Variants in SEC24D observed in about 807,000 individuals in gnomAD.
SEC24D encodes protein transport protein Sec24D.
Under a neutral mutation model 116.9 loss-of-function variants are expected in SEC24D, and 69 were observed. That is an observed-to-expected ratio of 0.59 (90% CI 0.49 to 0.72). The LOEUF is 0.72. SEC24D is among the 30% of genes least tolerant of loss of function. SEC24D has a pLI of 0.00. For synonymous variants in SEC24D, 405 were observed against 442.8 expected, an observed-to-expected ratio of 0.91 and a Z score of 1.07; for missense variants, 1,131 against 1,264.1, an observed-to-expected ratio of 0.89 and a Z score of 1.60.
chr4:118,811,789 C>T (rs752050108), intron 6 of SEC24D, among the ~76,000 whole-genome samples: 3 of 152,178 alleles, frequency 2.0e-5, no homozygotes, highest in Non-Finnish European at 4.4e-5. Context: ...AATAAAGGCA[C>T]TAAGAATTGT....
chr4:118,770,304 G>A (rs1560668577), intron 8 of SEC24D, among the ~76,000 whole-genome samples: 1 of 152,174 alleles, frequency 6.6e-6, no homozygotes, highest in Non-Finnish European at 1.5e-5. Flanking sequence ...GAAATTACTT[G>A]AGGAGGCAAG....
intron 2 of SEC24D, among the ~76,000 whole-genome samples, chr4:118,828,254 G>A (rs562941541): frequency 3.9e-4 from 59 of 152,046 alleles, no homozygotes; most frequent in Middle Eastern, 6.8e-3. Flanking sequence ...GACCACAGGC[G>A]CCTGCCACTA....
intron 8 of SEC24D, among the ~76,000 whole-genome samples, chr4:118,792,582 T>C (rs1728976046): frequency 1.3e-5 from 2 of 152,370 alleles, no homozygotes; most frequent in South Asian, 2.1e-4. Flanking sequence ...TGTTAATCTA[T>C]AACCTTATCC....
At chr4:118,832,609 T>G (rs771340729) in intron 2 of SEC24D, among the ~76,000 whole-genome samples, 2 of 152,230 alleles carry the variant, frequency 1.3e-5, no homozygotes, top group African/African-American at 2.4e-5. Flanking sequence ...CTGGTGCTAC[T>G]ACTTGCTGTC....
rs375796795 is a variant in SEC24D at position 118,744,978 on chromosome 4, T to A, written c.1790A>T (p.Asp597Val). ...AEAPGKLKNR[D>V]DKKLVNTDKE... is the part of the protein sequence containing the mutation. ...GTCTGTATTAACCAGTTTTTTGTCATCTCTGTTTTTGAGCTTCCCTGGTGC... is the reference window on the plus strand; with the variant it reads ...GTCTGTATTAACCAGTTTTTTGTCAACTCTGTTTTTGAGCTTCCCTGGTGC... The change falls in exon 14 of 23, where the codon GAT becomes GTT. Residue 597 changes from aspartate to valine, a missense_variant. By Grantham distance (152) the Asp-to-Val change is radical (BLOSUM62 -3). Coordinates refer to ENST00000280551, the MANE Select transcript of SEC24D (RefSeq NM_014822.4). The A allele has an allele frequency of 1.4e-4, 226 of 1,611,966 alleles. No individual in the cohort carries two copies. Among genetic ancestry groups the A allele is most frequent in the Admixed American group, 4.7e-4 (28 of 59,888 alleles).
rs1220604364 is a variant in SEC24D at position 118,723,332 on chromosome 4, T to C, written c.*183A>G. On this transcript the variant is annotated 3_prime_UTR_variant, in exon 23 of 23. Coordinates refer to ENST00000280551, the MANE Select transcript of SEC24D (RefSeq NM_014822.4). ...ACAGATTGTTCCCTTTATGGTACAA[T>C]TGTACCTTAATTGGCTTTATACCTG... The C allele has an allele frequency of 4.5e-5, 25 of 550,762 alleles. No homozygotes were observed. The highest frequency in any genetic ancestry group is 5.4e-5 in the Non-Finnish European group (17 of 317,594). The allele number at this position is 550,762 out of a possible 1,614,324, so 34.1% of individuals were successfully genotyped here.
At chr4:118,747,263 CTTT>C (rs200688068) in intron 13 of SEC24D, among the ~76,000 whole-genome samples, 2 of 128,208 alleles carry the variant, frequency 1.6e-5, no homozygotes. Flanking sequence ...ATTTCTGTAG[CTTT>C]TTTTTTTTTT....
intron 15 of SEC24D, among the ~76,000 whole-genome samples, chr4:118,742,382 G>A (rs531099155): frequency 6.6e-6 from 1 of 151,348 alleles, no homozygotes; most frequent in African/African-American, 2.4e-5. Context: ...GTGGGGGGGG[G>A]AAAGCTTCTG....
chr4:118,765,072 T>A (rs1472837132), intron 9 of SEC24D, among the ~76,000 whole-genome samples, 155 bp from the exon 10 acceptor site: 6 of 152,226 alleles, frequency 3.9e-5, no homozygotes, highest in African/African-American at 1.4e-4. Context: ...CCTACTATTT[T>A]AAAAACATGT....
At chr4:118,800,989 C>T (rs538012771) in intron 7 of SEC24D, among the ~76,000 whole-genome samples, 4 of 152,166 alleles carry the variant, frequency 2.6e-5, no homozygotes, top group African/African-American at 7.2e-5. Flanking sequence ...AGGCCAGTCA[C>T]GGTGGCTCAC....
intron 1 of SEC24D, among the ~76,000 whole-genome samples, chr4:118,835,699 G>A (rs2110549373): frequency 6.6e-6 from 1 of 152,330 alleles, no homozygotes; most frequent in East Asian, 1.9e-4. Flanking sequence ...TGCATCCCAA[G>A]GCAAAAGGTG....
chr4:118,782,604 C>T (rs987250120), intron 8 of SEC24D, among the ~76,000 whole-genome samples: 7 of 152,184 alleles, frequency 4.6e-5, no homozygotes, highest in Admixed American at 1.3e-4. Context: ...GCTCAAACAC[C>T]GTGCAGGGAG....
In SEC24D at chr4:118,792,665, G is replaced by A. The variant is rs192870634; in HGVS notation, c.1041+5018C>T. 8.5e-4 allele frequency among the ~76,000 whole-genome samples: 130 copies of A among 152,280 alleles called. 1 individual carries two copies. The East Asian group carries it at 0.019, about 22-fold the overall frequency. On this transcript the variant is annotated intron_variant, in intron 8 of 22. Transcript: ENST00000280551. ...ATGGATTAAGGGCGGTGCAAGATGTGCTTTGTTAAACAGATGCTTGAAGGC... is the reference window on the plus strand; with the variant it reads ...ATGGATTAAGGGCGGTGCAAGATGTACTTTGTTAAACAGATGCTTGAAGGC...
intron 6 of SEC24D, among the ~76,000 whole-genome samples, chr4:118,811,757 A>AAG (rs1370326545): frequency 6.6e-6 from 1 of 152,244 alleles, no homozygotes; most frequent in Non-Finnish European, 1.5e-5. Flanking sequence ...CCATAAAAGT[A>AAG]ATGACTGGCA....
In SEC24D at chr4:118,833,683, C is replaced by A; in HGVS notation, c.14G>T (p.Gly5Val). 1.2e-6 allele frequency: 2 copies of A among 1,610,982 alleles called. No individual in the cohort carries two copies. Among genetic ancestry groups the A allele is most frequent in the Non-Finnish European group, 1.7e-6 (2 of 1,178,390 alleles). The change falls in exon 2 of 23, where the codon GGT (glycine) becomes GTT (valine). Residue 5 changes from glycine (G) to valine (V), a missense_variant. Gly to Val is a moderately radical substitution (Grantham distance 109). Coordinates refer to ENST00000280551, the MANE Select transcript of SEC24D (RefSeq NM_014822.4). ...AGAATACGGAGGTGTAGCCACGTAA[C>A]CTTGTTGACTCATTATGAAAATATC... MSQQGYVATPPYSQP... is the reference protein window; with the variant it reads MSQQVYVATPPYSQP...
At chr4:118,725,388 C>T (rs144131335) in intron 22 of SEC24D, among the ~76,000 whole-genome samples, 54 of 152,204 alleles carry the variant, frequency 3.5e-4, no homozygotes, top group African/African-American at 1.3e-3. Context: ...TATGTTTTAT[C>T]CACCCTCTCC....
At chr4:118,727,449 C>G (rs973155058) in intron 22 of SEC24D, among the ~76,000 whole-genome samples, 1 of 152,096 alleles carries the variant, frequency 6.6e-6, no homozygotes, top group Non-Finnish European at 1.5e-5. Context: ...GGAGGAACTA[C>G]TGAGCACAAG....
intron 2 of SEC24D, among the ~76,000 whole-genome samples, chr4:118,830,625 T>C (rs1308564388): frequency 6.6e-6 from 1 of 151,802 alleles, no homozygotes; most frequent in Non-Finnish European, 1.5e-5. Flanking sequence ...GTATATATAA[T>C]TTTTTATTTG....
At chr4:118,791,824 C>T (rs10014512) in intron 8 of SEC24D, among the ~76,000 whole-genome samples, 95,674 of 152,042 alleles carry the variant, frequency 0.63, 31,745 homozygotes, top group Non-Finnish European at 0.72. Context: ...GCTCACTCAG[C>T]GCTCAATGTT....
Sources: allele counts gnomAD v4.1 joint callset (sites outside exome capture counted in the v4.1 genomes callset), GRCh38; gene constraint gnomAD v4.1.1; transcripts MANE v1.5; gene names NCBI Gene and HGNC (gene_info 2026-07-23, HGNC 2026-07-21).